Variants in SLC22A25 observed in about 807,000 individuals in gnomAD.
SLC22A25 encodes solute carrier family 22 member 25, also known as MGI:2442751, MGI:2385316, MGI:3042283, MGI:3645714, MGI:3605624, MGI:2442750.
SLC22A25 carries 44 observed loss-of-function variants against 45.9 expected under a neutral mutation model. That is an observed-to-expected ratio of 0.96 (90% CI 0.75 to 1.23). The LOEUF is 1.23. Ranked by LOEUF, SLC22A25 falls within the 50% of genes most tolerant of loss-of-function variation. The pLI is 0.00. For missense variants in SLC22A25, 800 were observed against 666.4 expected (o/e 1.20, Z -2.21); for synonymous variants, 283 against 238.6 (o/e 1.19, Z -1.72).
intron 5 of SLC22A25, chr11:63,218,104 A>G: frequency 4.2e-6 from 2 of 471,264 alleles, no homozygotes; most frequent in South Asian, 1.6e-5. Flanking sequence ...CACTATTCAC[A>G]GTAGCAAAGG....
chr11:63,192,505 A>AAATAAGCTAAATGCCCCAG (rs1382588767), intron 7 of SLC22A25, among the ~76,000 whole-genome samples: 2 of 152,190 alleles, frequency 1.3e-5, no homozygotes, highest in Non-Finnish European at 2.9e-5. Context: ...CCTTAAATGT[A>AAATAAGCTAAATGCCCCAG]AATAAGCTAA....
intron 7 of SLC22A25, among the ~76,000 whole-genome samples, chr11:63,192,408 C>T (rs2088848862): frequency 6.6e-6 from 1 of 152,114 alleles, no homozygotes; most frequent in Admixed American, 6.6e-5. Flanking sequence ...AGGACAGAGA[C>T]ACTATAAAGC....
At position 63,166,496 on chromosome 11, in the gene SLC22A25, G is replaced by A. The variant is rs1229609686; in HGVS notation, c.1071-238C>T. The A allele has an allele frequency of 3.5e-5, 44 of 1,252,616 alleles. No individual in the cohort carries two copies. In the South Asian group the frequency reaches 1.1e-3, roughly 32 times the overall value. 77.6% of individuals were successfully genotyped at this position (1,252,616 alleles called of 1,614,324 possible). ...ATGTTGTATGGAGGATGTGCTATGGGGTTTATTTATTTATTTTAAAAGCAA... is the reference window on the plus strand; with the variant it reads ...ATGTTGTATGGAGGATGTGCTATGGAGTTTATTTATTTATTTTAAAAGCAA... On this transcript the variant is annotated intron_variant, in intron 9 of 11. Coordinates refer to ENST00000306494, the MANE Select transcript of SLC22A25 (RefSeq NM_199352.6).
chr11:63,229,112 G>A (rs2510590), intron 4 of SLC22A25, 139 bp downstream of exon 4: 393,280 of 852,684 alleles, frequency 0.46, 93,624 homozygotes, highest in African/African-American at 0.67. Flanking sequence ...CTGGCATTCA[G>A]TAGAGAAGCA....
chr11:63,229,140 G>A, intron 4 of SLC22A25, 111 bp downstream of exon 4: 1 of 1,139,640 alleles, frequency 8.8e-7, no homozygotes, highest in Non-Finnish European at 1.2e-6. Context: ...TTTCCTGAAA[G>A]AATGAAGAAT....
At chr11:63,227,855 A>G (rs112203890) in intron 5 of SLC22A25, among the ~76,000 whole-genome samples, 5,127 of 152,268 alleles carry the variant, frequency 0.034, 117 homozygotes, top group Non-Finnish European at 0.056. Context: ...CTCTGTGGCT[A>G]TGGCTGGTCT....
chr11:63,197,050 T>G (rs6591772), intron 7 of SLC22A25, among the ~76,000 whole-genome samples: 74,684 of 151,856 alleles, frequency 0.49, 18,948 homozygotes, highest in African/African-American at 0.61. Flanking sequence ...ACTTACAAGA[T>G]ATGTGAAGGA....
intron 3 of SLC22A25, among the ~76,000 whole-genome samples, chr11:63,235,663 C>T (rs1483601090): frequency 1.3e-5 from 2 of 152,200 alleles, no homozygotes; most frequent in Non-Finnish European, 1.5e-5. Context: ...CATTCTCTGT[C>T]CAGCTTTGTT....
In SLC22A25 at chr11:63,158,881, T is replaced by C. The variant is rs12291674; in HGVS notation, c.*4943A>G. Among the ~76,000 whole-genome samples the C allele has an allele frequency of 0.055, 8,320 of 152,238 alleles. 440 individuals carry two copies. Among genetic ancestry groups the C allele is most frequent in the African/African-American group, 0.14 (5,657 of 41,510 alleles). On this transcript the variant is annotated 3_prime_UTR_variant, in exon 12 of 12. Coordinates refer to ENST00000306494, the MANE Select transcript of SLC22A25 (RefSeq NM_199352.6). ...AACTTCCTTTTTTCCCCCCATTAAC[T>C]ATTCCCACTTCCCCTGAAGCACCCA...
At chr11:63,235,854 T>A (rs1412707797) in intron 3 of SLC22A25, among the ~76,000 whole-genome samples, 2 of 152,214 alleles carry the variant, frequency 1.3e-5, no homozygotes, top group South Asian at 4.1e-4. Context: ...TTAGTTTTCC[T>A]TCTAACAGTC....
chr11:63,185,462 T>G (rs2088493630), intron 7 of SLC22A25, among the ~76,000 whole-genome samples: 1 of 152,078 alleles, frequency 6.6e-6, no homozygotes, highest in Non-Finnish European at 1.5e-5. Flanking sequence ...ACAAAGGACA[T>G]GAACTCATCC....
At chr11:63,228,355 A>C in intron 5 of SLC22A25, 106 bp downstream of exon 5, 1 of 832,700 alleles carries the variant, frequency 1.2e-6, no homozygotes, top group African/African-American at 1.7e-5. Flanking sequence ...CTGGGGACCA[A>C]GGGAGCAACA....
In SLC22A25 at chr11:63,231,404, G is replaced by A. The variant is rs535787958; in HGVS notation, c.-444-1308C>T. 1.6e-4 allele frequency among the ~76,000 whole-genome samples: 25 copies of A among 152,288 alleles called. 1 individual carries two copies. In the South Asian group the frequency reaches 4.8e-3, roughly 29 times the overall value. ...ATTTGCATTTCTCTGATGGCCAGTG[G>A]TGATGAGCATTTTTTCATGTGTCTT... On this transcript the variant is annotated intron_variant, in intron 3 of 11. Transcript: ENST00000306494.
At chr11:63,202,354 G>A (rs1454487133) in intron 7 of SLC22A25, among the ~76,000 whole-genome samples, 3 of 152,090 alleles carry the variant, frequency 2.0e-5, no homozygotes, top group African/African-American at 7.2e-5. Context: ...AAGTGGTCTA[G>A]CTCAGTAGAT....
intron 7 of SLC22A25, among the ~76,000 whole-genome samples, chr11:63,203,924 T>C (rs1404783249): frequency 6.6e-6 from 1 of 152,060 alleles, no homozygotes; most frequent in Non-Finnish European, 1.5e-5. Flanking sequence ...TCAGGTTACC[T>C]ACAAAGGGAA....
At chr11:63,212,813 AAAAATTCT>A (rs2089610423) in intron 7 of SLC22A25, among the ~76,000 whole-genome samples, 2 of 151,862 alleles carry the variant, frequency 1.3e-5, no homozygotes, top group Non-Finnish European at 2.9e-5. Flanking sequence ...TTAAAAAAAA[AAAAATTCT>A]ACCATTTTTG....
At chr11:63,166,377 T>C (rs1299042135) in intron 9 of SLC22A25, 119 bp from the exon 10 acceptor site, 13 of 1,458,116 alleles carry the variant, frequency 8.9e-6, no homozygotes, top group Non-Finnish European at 1.2e-5. Flanking sequence ...AGAGTGTGTT[T>C]TGTGGAATAT....
chr11:63,185,001 G>A (rs1274580980), intron 7 of SLC22A25, among the ~76,000 whole-genome samples: 1 of 152,092 alleles, frequency 6.6e-6, no homozygotes, highest in Non-Finnish European at 1.5e-5. Context: ...GTAACCCAAT[G>A]CAAGGAAGCT....
intron 7 of SLC22A25, among the ~76,000 whole-genome samples, chr11:63,207,096 T>A (rs2089426444): frequency 6.6e-6 from 1 of 150,666 alleles, no homozygotes; most frequent in African/African-American, 2.4e-5. Flanking sequence ...AACTGAGGGG[T>A]CCACCTTATA....
Sources: allele counts gnomAD v4.1 joint callset (sites outside exome capture counted in the v4.1 genomes callset), GRCh38; gene constraint gnomAD v4.1.1; transcripts MANE v1.5; gene names NCBI Gene and HGNC (gene_info 2026-07-23, HGNC 2026-07-21).